SQSTM1: variants seen among roughly 807,000 people sequenced by gnomAD.
SQSTM1 encodes the protein sequestosome 1, also known as sequestosome-1.
In SQSTM1, 36 loss-of-function variants were observed where a neutral mutation model predicts 45.1. The ratio of observed to expected loss-of-function variants is 0.80; its 90% CI spans 0.61 to 1.05. SQSTM1 has a LOEUF of 1.05. Ranked by LOEUF, SQSTM1 falls within the 50% of genes least tolerant of loss-of-function variation. The pLI is 0.00. For synonymous variants in SQSTM1, 290 were observed against 244.3 expected, an observed-to-expected ratio of 1.19 and a Z score of -1.74; for missense variants, 617 against 607.1, an observed-to-expected ratio of 1.02 and a Z score of -0.17.
chr5:179,818,055 C>T (rs1057448900), upstream of SQSTM1, among the ~76,000 whole-genome samples: 18 of 148,794 alleles, frequency 1.2e-4, no homozygotes, highest in Non-Finnish European at 2.2e-4. Flanking sequence ...TGTCCAGTGC[C>T]TGGGGATTTT....
Position 179,833,741 on chromosome 5 carries a change from C to CAGGGTACA in SQSTM1, c.1128_1129insTACAAGGG (p.Leu377TyrfsTer4). The CAGGGTACA allele has an allele frequency of 6.2e-7, 1 of 1,614,154 alleles. No individual in the cohort carries two copies. Among genetic ancestry groups the CAGGGTACA allele is most frequent in the South Asian group, 1.1e-5 (1 of 91,090 alleles). Reference sequence around the variant, plus strand: ...CTGGACCCCTCCCAGGAGGGACCCACAGGGCTGAAGGAAGCTGCCTTGTAC... The same window carrying CAGGGTACA: ...CTGGACCCCTCCCAGGAGGGACCCACAGGGTACAAGGGCTGAAGGAAGCTGCCTTGTAC... On this transcript the variant is annotated frameshift_variant, in exon 7 of 8. Coordinates refer to ENST00000389805, the MANE Select transcript of SQSTM1 (RefSeq NM_003900.5). LOFTEE classifies it high-confidence loss of function.
Position 179,837,290 on chromosome 5 carries a change from T to C in SQSTM1, c.*697T>C. On this transcript the variant is annotated 3_prime_UTR_variant, in exon 8 of 8. Transcript: ENST00000389805. ...ATAGAGAGAAATGATTGACAGTAAGTTTATTGTTAATGGTTCTTACAGAGT... is the reference window on the plus strand; with the variant it reads ...ATAGAGAGAAATGATTGACAGTAAGCTTATTGTTAATGGTTCTTACAGAGT... The C allele has an allele frequency of 1.9e-6, 3 of 1,607,536 alleles. No homozygotes were observed. The highest frequency in any genetic ancestry group is 1.7e-6 in the Non-Finnish European group (2 of 1,177,828).
chr5:179,812,655 G>A (rs1201605033), intron 2 of SQSTM1: 2 of 152,304 alleles, frequency 1.3e-5, no homozygotes, highest in African/African-American at 4.8e-5. Flanking sequence ...GCCCAGTAGA[G>A]GTGCAGTGCA....
chr5:179,837,594 T>G lies in SQSTM1; in HGVS notation c.*1001T>G. ...AGCTGGACAGCGGCAGTGGGCCTGC[T>G]GAGGCCTTCTCTTGAGGCCTGTGCT... On this transcript the variant is annotated 3_prime_UTR_variant, in exon 8 of 8. Coordinates refer to ENST00000389805, the MANE Select transcript of SQSTM1 (RefSeq NM_003900.5). 7 of 1,614,248 alleles carry G rather than the reference T, an allele frequency of 4.3e-6. No individual in the cohort carries two copies. The highest frequency in any genetic ancestry group is 5.9e-6 in the Non-Finnish European group (7 of 1,180,048).
At chr5:179,833,399 G>C (rs995859719) in intron 6 of SQSTM1, 153 bp downstream of exon 6, 12 of 1,001,442 alleles carry the variant, frequency 1.2e-5, no homozygotes, top group Non-Finnish European at 1.8e-5. Context: ...TTAAAGTCAC[G>C]CTGGGAACCT....
upstream of SQSTM1, among the ~76,000 whole-genome samples, chr5:179,817,183 C>G (rs1193415612): frequency 6.6e-6 from 1 of 152,188 alleles, no homozygotes; most frequent in Non-Finnish European, 1.5e-5. Flanking sequence ...CACGGGCGGC[C>G]CGCGCCCCGT....
chr5:179,815,997 G>C (rs758808211), upstream of SQSTM1, among the ~76,000 whole-genome samples: 6 of 152,090 alleles, frequency 3.9e-5, no homozygotes, highest in Non-Finnish European at 8.8e-5. Context: ...GCTGAGTCTC[G>C]TCGGGAGGCT....
At chr5:179,815,228 C>T (rs962302623), upstream of SQSTM1, among the ~76,000 whole-genome samples, 1 of 152,038 alleles carries the variant, frequency 6.6e-6, no homozygotes, top group African/African-American at 2.4e-5. Flanking sequence ...ACCAGCCTGG[C>T]CAACATGGTG....
upstream of SQSTM1, among the ~76,000 whole-genome samples, chr5:179,814,471 C>T (rs184417499): frequency 0.011 from 1,658 of 152,280 alleles, 12 homozygotes; most frequent in Middle Eastern, 0.017. Flanking sequence ...CTGGATTATG[C>T]TGCTCTAACA....
chr5:179,836,083 G>A (rs1361296021), intron 7 of SQSTM1: 1 of 390,376 alleles, frequency 2.6e-6, no homozygotes, highest in Non-Finnish European at 4.8e-6. Flanking sequence ...CTATTTCAAT[G>A]CCCCATCATC....
intron 1 of SQSTM1, among the ~76,000 whole-genome samples, chr5:179,822,005 A>C (rs1444965926): frequency 6.6e-6 from 1 of 152,224 alleles, no homozygotes; most frequent in African/African-American, 2.4e-5. Flanking sequence ...TCACCCATTT[A>C]GTGTACAAGT....
intron 7 of SQSTM1, among the ~76,000 whole-genome samples, chr5:179,834,426 T>TATTTA (rs914760391): frequency 1.3e-5 from 2 of 151,950 alleles, no homozygotes; most frequent in African/African-American, 4.8e-5. Flanking sequence ...TTTATTTATT[T>TATTTA]ATTTTTATTG....
intron 5 of SQSTM1, among the ~76,000 whole-genome samples, chr5:179,828,412 T>C (rs1656154366): frequency 1.3e-5 from 2 of 150,658 alleles, no homozygotes; most frequent in Non-Finnish European, 3.0e-5. Flanking sequence ...TTGCTCTTGT[T>C]GTCCAGGCTG....
At chr5:179,820,563 G>T, upstream of SQSTM1, 1 of 202,296 alleles carries the variant, frequency 4.9e-6, no homozygotes, top group Non-Finnish European at 1.0e-5. Context: ...GCTGAGTCAT[G>T]GCCAGGCCCA....
At chr5:179,817,672 C>G (rs72807345), upstream of SQSTM1, among the ~76,000 whole-genome samples, 1 of 152,158 alleles carries the variant, frequency 6.6e-6, no homozygotes, top group African/African-American at 2.4e-5. Context: ...CCATGGCCCC[C>G]GTGCCTCTTG....
rs1757179505 is a variant in SQSTM1, at chr5:179,806,721, G to A, written c.-157+130G>A. 6.2e-6 allele frequency: 1 copy of A among 161,110 alleles called. No homozygotes were observed. The highest frequency in any genetic ancestry group is 1.2e-5 in the Non-Finnish European group (1 of 80,294). 10.0% of individuals were successfully genotyped at this position (161,110 alleles called of 1,614,324 possible). ...CGGGTCGGGGAGGGGCGGGGGGCCC[G>A]GGGCCGGGCGGGGACCGGGCCAGGG... On this transcript the variant is annotated intron_variant, in intron 1 of 5. Coordinates refer to the SQSTM1 transcript ENST00000514093. The surrounding 1 kb of genome is among the most constrained non-coding windows in gnomAD (Gnocchi z 4.6).
chr5:179,833,100 A>G lies in SQSTM1; in HGVS notation c.823A>G (p.Ser275Gly). 1.2e-6 allele frequency: 2 copies of G among 1,614,172 alleles called. No homozygotes were observed. Among genetic ancestry groups the G allele is most frequent in the South Asian group, 1.1e-5 (1 of 91,090 alleles). ...RSRLTPVSPESSSTEEKSSSQ... is the reference protein window; with the variant it reads ...RSRLTPVSPEGSSTEEKSSSQ... ...CCGCCTGACCCCCGTCTCTCCAGAG[A>G]GTTCCAGCACAGAGGAGAAGAGCAG... Residue 275 changes from serine to glycine, a missense_variant, in exon 6 of 8, where the codon AGT (serine) becomes GGT (glycine). By Grantham distance (56) the Ser-to-Gly change is moderately conservative. Transcript: ENST00000389805.
chr5:179,822,111 C>T (rs116613363), intron 1 of SQSTM1, among the ~76,000 whole-genome samples: 90 of 152,326 alleles, frequency 5.9e-4, no homozygotes, highest in Non-Finnish European at 1.0e-3. Context: ...TTATCACCCT[C>T]TTATCCACAT....
intron 2 of SQSTM1, chr5:179,812,019 T>C (rs974329889): frequency 9.9e-5 from 15 of 152,090 alleles, no homozygotes; most frequent in East Asian, 3.9e-4. Flanking sequence ...TTAGCCAGGA[T>C]GGTCTCGATC....
Sources: allele counts gnomAD v4.1 joint callset (sites outside exome capture counted in the v4.1 genomes callset), GRCh38; gene constraint gnomAD v4.1.1; non-coding constraint Gnocchi (gnomAD v3.1); transcripts MANE v1.5; gene names NCBI Gene and HGNC (gene_info 2026-07-23, HGNC 2026-07-21).